SGCZ: variants seen among roughly 807,000 people sequenced by gnomAD.
SGCZ encodes the protein zeta-sarcoglycan.
In SGCZ, 40 loss-of-function variants were observed where a neutral mutation model predicts 41.3. The ratio of observed to expected loss-of-function variants is 0.97; its 90% CI spans 0.75 to 1.26. The LOEUF is 1.26. Ranked by LOEUF, SGCZ falls within the 50% of genes most tolerant of loss-of-function variation. The probability of loss-of-function intolerance (pLI) is 0.00; values close to 1 mark genes in which losing one functional copy is unlikely to be tolerated. For synonymous variants in SGCZ, 206 were observed against 137.5 expected, an observed-to-expected ratio of 1.50 and a Z score of -3.49; for missense variants, 552 against 369.8, an observed-to-expected ratio of 1.49 and a Z score of -4.04.
chr8:15,050,668 G>A (rs1388720323), intron 1 of SGCZ, among the ~76,000 whole-genome samples: 1 of 152,070 alleles, frequency 6.6e-6, no homozygotes, highest in Non-Finnish European at 1.5e-5. Context: ...AACTTCAGTG[G>A]AGCATTGGAA....
intron 1 of SGCZ, among the ~76,000 whole-genome samples, chr8:14,693,373 CCT>C (rs1475506259): frequency 6.6e-6 from 1 of 150,984 alleles, no homozygotes; most frequent in Non-Finnish European, 1.5e-5. Flanking sequence ...CTCACTGCAA[CCT>C]CTGTCTCCTA....
intron 1 of SGCZ, among the ~76,000 whole-genome samples, chr8:14,589,618 T>G (rs1057263488): frequency 1.3e-5 from 2 of 152,168 alleles, no homozygotes; most frequent in Admixed American, 1.3e-4. Context: ...GAAGTATGAC[T>G]AATCTAAACT....
At chr8:14,294,794 G>A (rs1359073764) in intron 3 of SGCZ, among the ~76,000 whole-genome samples, 3 of 151,962 alleles carry the variant, frequency 2.0e-5, no homozygotes, top group East Asian at 1.9e-4. Flanking sequence ...AAACATAGAT[G>A]TCACATAAAC....
In SGCZ at chr8:14,800,829, C is replaced by T. The variant is rs532015298; in HGVS notation, c.40-245903G>A. ...AAGAACAGACTAATACACTATACTA[C>T]TCAACATTAAAAAATTCAAAATATA... On this transcript the variant is annotated intron_variant, in intron 1 of 7. Coordinates refer to ENST00000382080, the MANE Select transcript of SGCZ (RefSeq NM_139167.4). 1.7e-4 allele frequency among the ~76,000 whole-genome samples: 26 copies of T among 152,178 alleles called. No individual in the cohort carries two copies. In the South Asian group the frequency reaches 4.4e-3, roughly 26 times the overall value.
chr8:14,439,696 T>C (rs923621696), intron 2 of SGCZ, among the ~76,000 whole-genome samples: 7 of 151,956 alleles, frequency 4.6e-5, no homozygotes, highest in Admixed American at 2.0e-4. Flanking sequence ...TATGAACTGA[T>C]AGAGAATAAA....
chr8:14,910,483 C>A (rs914299721), intron 1 of SGCZ, among the ~76,000 whole-genome samples: 33 of 148,836 alleles, frequency 2.2e-4, no homozygotes, highest in African/African-American at 8.3e-4. Context: ...ATCTTGAAAT[C>A]TGTTTTTTTT....
At chr8:15,101,705 C>A (rs1446952003) in intron 1 of SGCZ, among the ~76,000 whole-genome samples, 5 of 152,076 alleles carry the variant, frequency 3.3e-5, no homozygotes, top group African/African-American at 4.8e-5. Flanking sequence ...ATGAGGCAGG[C>A]AGATACTTGA....
At chr8:14,315,387 G>A (rs970805755) in intron 3 of SGCZ, among the ~76,000 whole-genome samples, 5 of 151,954 alleles carry the variant, frequency 3.3e-5, no homozygotes, top group Admixed American at 3.3e-4. Context: ...ATGGCCCCTG[G>A]GTTATTTCTA....
intron 1 of SGCZ, among the ~76,000 whole-genome samples, chr8:14,679,129 A>T (rs935472432): frequency 2.0e-5 from 3 of 152,192 alleles, no homozygotes; most frequent in Non-Finnish European, 4.4e-5. Context: ...AAACCGACCT[A>T]CTGCACTGCC....
chr8:14,168,297 AC>A (rs138533108), intron 4 of SGCZ, among the ~76,000 whole-genome samples: 4,817 of 152,250 alleles, frequency 0.032, 270 homozygotes, highest in African/African-American at 0.11. Flanking sequence ...TAAGTTTAAA[AC>A]AAAACAAAAT....
chr8:14,645,484 GTA>G lies in SGCZ; in HGVS notation c.40-90560_40-90559del, dbSNP rs71209072. Among the ~76,000 whole-genome samples the G allele has an allele frequency of 5.4e-3, 735 of 135,778 alleles. 22 individuals carry two copies. The highest frequency in any genetic ancestry group is 0.019 in the African/African-American group (690 of 37,130). The allele number at this position is 135,778 out of a possible 152,430, so 89.1% of individuals were successfully genotyped here. Reference sequence around the variant, plus strand: ...ATTGATTATATATATATATTTATATGTATATATATATATATATGGCACATATA... The same window carrying G: ...ATTGATTATATATATATATTTATATGTATATATATATATATGGCACATATA... On this transcript the variant is annotated intron_variant, in intron 1 of 7. Transcript: ENST00000382080.
intron 3 of SGCZ, among the ~76,000 whole-genome samples, chr8:14,300,017 T>C (rs573404413): frequency 6.6e-6 from 1 of 151,660 alleles, no homozygotes; most frequent in Non-Finnish European, 1.5e-5. Flanking sequence ...AGGCCAAGAG[T>C]AGGCAAAATT....
At position 14,693,406 on chromosome 8, in the gene SGCZ, C is replaced by G. The variant is rs528205470; in HGVS notation, c.40-138480G>C. The stretch of plus-strand genomic sequence containing the variant: ...TCCTAGGTTCAAGCGATTCTCCTGC[C>G]TTAGCCTCCTGAGTAGCTGGAATTA... On this transcript the variant is annotated intron_variant, in intron 1 of 7. Transcript: ENST00000382080. 6.6e-5 allele frequency among the ~76,000 whole-genome samples: 10 copies of G among 151,646 alleles called. No individual in the cohort carries two copies. In the East Asian group the frequency reaches 1.8e-3, roughly 27 times the overall value.
At chr8:14,808,143 G>C (rs1433518830) in intron 1 of SGCZ, among the ~76,000 whole-genome samples, 1 of 152,160 alleles carries the variant, frequency 6.6e-6, no homozygotes, top group African/African-American at 2.4e-5. Context: ...AGATAACCTA[G>C]GTAATACCAT....
chr8:14,256,093 G>C (rs974559182), intron 3 of SGCZ, among the ~76,000 whole-genome samples: 1 of 151,984 alleles, frequency 6.6e-6, no homozygotes, highest in Non-Finnish European at 1.5e-5. Flanking sequence ...TTGTTTAATA[G>C]ATATATTTTA....
intron 1 of SGCZ, among the ~76,000 whole-genome samples, chr8:15,130,013 T>A: frequency 6.6e-6 from 1 of 152,144 alleles, no homozygotes. Flanking sequence ...TATGACTAAG[T>A]AGGCCAAAAA....
At chr8:14,387,233 G>T in intron 2 of SGCZ, among the ~76,000 whole-genome samples, 1 of 152,144 alleles carries the variant, frequency 6.6e-6, no homozygotes, top group Middle Eastern at 3.4e-3. Context: ...TTTGTTTTTC[G>T]GAAATACAGT....
intron 3 of SGCZ, among the ~76,000 whole-genome samples, chr8:14,299,262 G>C (rs1028469892): frequency 2.6e-5 from 4 of 151,898 alleles, no homozygotes; most frequent in African/African-American, 9.7e-5. Flanking sequence ...ATTTCAGGTA[G>C]TCAAAGTTTT....
At chr8:15,108,541 C>T (rs1806923108) in intron 1 of SGCZ, among the ~76,000 whole-genome samples, 1 of 152,132 alleles carries the variant, frequency 6.6e-6, no homozygotes, top group Non-Finnish European at 1.5e-5. Flanking sequence ...GCTCAGAACA[C>T]AAAATGGGTA....
Sources: gnomAD v4.1 joint callset for allele counts (sites outside exome capture counted in the v4.1 genomes callset) on GRCh38, gnomAD v4.1.1 for gene constraint, MANE v1.5 for transcripts, NCBI Gene and HGNC (gene_info 2026-07-23, HGNC 2026-07-21) for gene names.